The following NXPH1 variants were observed in gnomAD, a reference collection of about 807,000 sequenced individuals.
The protein encoded by NXPH1 is neurexophilin 1.
Under a neutral mutation model 23.7 loss-of-function variants are expected in NXPH1, and 5 were observed. That is an observed-to-expected ratio of 0.21 (90% CI 0.11 to 0.44). The LOEUF (loss-of-function observed/expected upper bound fraction) is 0.44. Ranked by LOEUF, NXPH1 falls within the 20% of genes least tolerant of loss-of-function variation. The probability of loss-of-function intolerance (pLI) is 0.99; values close to 1 mark genes in which losing one functional copy is unlikely to be tolerated. For missense variants in NXPH1, 324 were observed against 321.6 expected (o/e 1.01, Z -0.06); for synonymous variants, 144 against 122.2 (o/e 1.18, Z -1.18).
chr7:8,463,827 C>T (rs191287304), intron 2 of NXPH1, among the ~76,000 whole-genome samples: 1 of 152,118 alleles, frequency 6.6e-6, no homozygotes, highest in Non-Finnish European at 1.5e-5. Context: ...TAAAGATTAT[C>T]TAAGGGGTTT....
chr7:8,734,111 C>A (rs112009112), intron 2 of NXPH1, among the ~76,000 whole-genome samples: 20,875 of 152,198 alleles, frequency 0.14, 1,604 homozygotes, highest in South Asian at 0.19. Flanking sequence ...GTTTTCCCAG[C>A]ACCATTTATT....
intron 2 of NXPH1, among the ~76,000 whole-genome samples, chr7:8,742,481 G>A (rs954888906): frequency 3.9e-4 from 60 of 151,964 alleles, no homozygotes; most frequent in African/African-American, 1.3e-3. Flanking sequence ...TAAAATAAAG[G>A]TGATGTGCAT....
chr7:8,475,574 G>T (rs1427496206), intron 2 of NXPH1, among the ~76,000 whole-genome samples: 1 of 152,114 alleles, frequency 6.6e-6, no homozygotes, highest in African/African-American at 2.4e-5. Flanking sequence ...GTCTTCATAT[G>T]ACTTTCTTCT....
At chr7:8,566,306 C>A (rs1401463041) in intron 2 of NXPH1, among the ~76,000 whole-genome samples, 2 of 151,770 alleles carry the variant, frequency 1.3e-5, no homozygotes, top group African/African-American at 4.8e-5. Flanking sequence ...CAAAATTAAA[C>A]CTGTTGTTTA....
At chr7:8,583,781 C>A (rs1217608309) in intron 2 of NXPH1, among the ~76,000 whole-genome samples, 3 of 152,122 alleles carry the variant, frequency 2.0e-5, no homozygotes, top group South Asian at 4.1e-4. Flanking sequence ...CAGGTAGTCC[C>A]CTCCCATTCC....
chr7:8,587,605 G>A (rs915120810), intron 2 of NXPH1, among the ~76,000 whole-genome samples: 35 of 152,050 alleles, frequency 2.3e-4, no homozygotes, highest in African/African-American at 7.7e-4. Context: ...CATCTACATT[G>A]GGTATTTCTC....
intron 2 of NXPH1, among the ~76,000 whole-genome samples, chr7:8,482,462 T>C (rs1225662912): frequency 6.6e-6 from 1 of 152,194 alleles, no homozygotes; most frequent in African/African-American, 2.4e-5. Context: ...GGTTCTCTTT[T>C]GGGCTTCCAA....
At chr7:8,541,785 T>C (rs1244562054) in intron 2 of NXPH1, among the ~76,000 whole-genome samples, 1 of 151,622 alleles carries the variant, frequency 6.6e-6, no homozygotes, top group African/African-American at 2.4e-5. Flanking sequence ...TAAAGTGGTA[T>C]AATATCACTT....
chr7:8,439,499 T>C (rs1816255546), intron 2 of NXPH1, among the ~76,000 whole-genome samples: 1 of 152,226 alleles, frequency 6.6e-6, no homozygotes. Flanking sequence ...TTGTATAAAG[T>C]TACTGTGACT....
At chr7:8,714,902 T>C (rs1031844035) in intron 2 of NXPH1, among the ~76,000 whole-genome samples, 1 of 152,114 alleles carries the variant, frequency 6.6e-6, no homozygotes, top group Non-Finnish European at 1.5e-5. Context: ...CTGCCCTGCC[T>C]GGGGTTGGGG....
intron 2 of NXPH1, among the ~76,000 whole-genome samples, chr7:8,662,170 T>TTA (rs57298280): frequency 0.067 from 5,622 of 83,640 alleles, 351 homozygotes; most frequent in African/African-American, 0.19. Context: ...GCATATGATT[T>TTA]TATATATATA....
At chr7:8,494,480 G>A (rs528482871) in intron 2 of NXPH1, among the ~76,000 whole-genome samples, 1 of 151,920 alleles carries the variant, frequency 6.6e-6, no homozygotes, top group Non-Finnish European at 1.5e-5. Flanking sequence ...GTGAAGTGAC[G>A]CTGATCATGC....
At chr7:8,541,555 T>C (rs1372115151) in intron 2 of NXPH1, among the ~76,000 whole-genome samples, 1 of 151,520 alleles carries the variant, frequency 6.6e-6, no homozygotes, top group African/African-American at 2.4e-5. Flanking sequence ...AAACCAGTGA[T>C]AAATATAAAG....
intron 2 of NXPH1, among the ~76,000 whole-genome samples, chr7:8,601,753 A>T (rs1819367532): frequency 6.6e-6 from 1 of 151,850 alleles, no homozygotes; most frequent in South Asian, 2.1e-4. Flanking sequence ...GTGATGAGAA[A>T]CTCCTTCACT....
chr7:8,562,404 TTG>T (rs1818461614), intron 2 of NXPH1, among the ~76,000 whole-genome samples: 2 of 151,754 alleles, frequency 1.3e-5, no homozygotes, highest in African/African-American at 4.8e-5. Context: ...AAAGAGAGCT[TTG>T]TAAATGCATG....
At chr7:8,646,485 A>G (rs1820401834) in intron 2 of NXPH1, among the ~76,000 whole-genome samples, 1 of 152,070 alleles carries the variant, frequency 6.6e-6, no homozygotes, top group Admixed American at 6.6e-5. Context: ...CCTGGCTATA[A>G]CCTCCAGTAA....
intron 2 of NXPH1, among the ~76,000 whole-genome samples, chr7:8,728,720 G>A (rs1440640009): frequency 1.3e-5 from 2 of 151,918 alleles, no homozygotes; most frequent in African/African-American, 4.8e-5. Flanking sequence ...GCTTTTTGAT[G>A]TGCTGCTGGA....
chr7:8,590,954 T>C (rs907103500), intron 2 of NXPH1, among the ~76,000 whole-genome samples: 17 of 152,076 alleles, frequency 1.1e-4, no homozygotes, highest in African/African-American at 3.6e-4. Context: ...TAGGCTACTC[T>C]TCAATTAGGT....
At chr7:8,619,001 T>C (rs376888826) in intron 2 of NXPH1, among the ~76,000 whole-genome samples, 2 of 152,202 alleles carry the variant, frequency 1.3e-5, no homozygotes, top group East Asian at 3.8e-4. Flanking sequence ...GTGTTACTAT[T>C]TTTAAGCAGG....
Sources: gnomAD v4.1 joint callset for allele counts (sites outside exome capture counted in the v4.1 genomes callset) on GRCh38, gnomAD v4.1.1 for gene constraint, MANE v1.5 for transcripts, NCBI Gene and HGNC (gene_info 2026-07-23, HGNC 2026-07-21) for gene names.